CD2AP: variants seen among roughly 807,000 people sequenced by gnomAD.
CD2AP encodes CD2-associated protein.
In CD2AP, 46 loss-of-function variants were observed where a neutral mutation model predicts 85.1. That is an observed-to-expected ratio of 0.54 (90% CI 0.43 to 0.69). The LOEUF is 0.69. Among genes scored for constraint, CD2AP ranks in the 30% least tolerant of loss-of-function variants. CD2AP has a pLI of 0.00. For synonymous variants in CD2AP, 255 were observed against 252.9 expected (o/e 1.01, Z -0.08); for missense variants, 769 against 729.5 (o/e 1.05, Z -0.62).
intron 5 of CD2AP, among the ~76,000 whole-genome samples, chr6:47,567,764 A>G (rs1160847576): frequency 6.6e-6 from 1 of 152,214 alleles, no homozygotes; most frequent in Admixed American, 6.5e-5. Flanking sequence ...AGAGTATATA[A>G]TTAGATGTGA....
chr6:47,584,275 A>T (rs1768560164), intron 11 of CD2AP, among the ~76,000 whole-genome samples: 1 of 152,172 alleles, frequency 6.6e-6, no homozygotes, highest in Admixed American at 6.5e-5. Flanking sequence ...TGTTGTATCT[A>T]AAAAGTCATT....
At chr6:47,594,149 G>A (rs1562048304) in intron 11 of CD2AP, among the ~76,000 whole-genome samples, 1 of 152,018 alleles carries the variant, frequency 6.6e-6, no homozygotes, top group Non-Finnish European at 1.5e-5. Flanking sequence ...AATGAGGAAA[G>A]GGTTATCTTC....
rs754319192 is a variant in CD2AP at position 47,544,647 on chromosome 6, C to T, written c.361C>T (p.Pro121Ser). Residue 121 changes from proline to serine, a missense_variant, in exon 4 of 18, where the codon CCA becomes TCA. Coordinates refer to ENST00000359314, the MANE Select transcript of CD2AP (RefSeq NM_012120.3). ...GTGTAAAGTTCTTTTTGAGTACATT[C>T]CACAAAATGAGGATGAACTGGAGCT... Reference protein sequence around the residue: ...RQCKVLFEYIPQNEDELELKV... With the variant: ...RQCKVLFEYISQNEDELELKV... 3 of 1,612,482 alleles carry T rather than the reference C, an allele frequency of 1.9e-6. No individual in the cohort carries two copies. Among genetic ancestry groups the T allele is most frequent in the East Asian group, 2.2e-5 (1 of 44,762 alleles).
chr6:47,517,306 G>T (rs144517088), intron 2 of CD2AP, among the ~76,000 whole-genome samples: 1 of 150,240 alleles, frequency 6.7e-6, no homozygotes, highest in African/African-American at 2.5e-5. Flanking sequence ...TTTTGGAGGC[G>T]GTTTCTTACT....
intron 2 of CD2AP, among the ~76,000 whole-genome samples, chr6:47,517,578 C>G (rs962748084): frequency 6.6e-6 from 1 of 152,138 alleles, no homozygotes; most frequent in African/African-American, 2.4e-5. Context: ...GCCTAAGCCA[C>G]CGCGCCTGGC....
chr6:47,614,888 TAA>T (rs779398744), intron 17 of CD2AP, among the ~76,000 whole-genome samples: 3 of 152,216 alleles, frequency 2.0e-5, no homozygotes, highest in Non-Finnish European at 4.4e-5. Flanking sequence ...CATTTAAACT[TAA>T]GAGTTTATCT....
intron 4 of CD2AP, among the ~76,000 whole-genome samples, chr6:47,548,061 A>G (rs1352288384): frequency 6.6e-6 from 1 of 152,092 alleles, no homozygotes; most frequent in Non-Finnish European, 1.5e-5. Flanking sequence ...CTTTTAACTT[A>G]AAAGTCAACT....
At chr6:47,479,215 A>G (rs971734088) in intron 1 of CD2AP, among the ~76,000 whole-genome samples, 1 of 152,236 alleles carries the variant, frequency 6.6e-6, no homozygotes, top group Non-Finnish European at 1.5e-5. Flanking sequence ...TTTGTAGAGC[A>G]AATCAGGAGG....
chr6:47,500,122 C>G (rs915254171), intron 1 of CD2AP, among the ~76,000 whole-genome samples: 1 of 152,106 alleles, frequency 6.6e-6, no homozygotes, highest in African/African-American at 2.4e-5. Context: ...TCTGAGAAAC[C>G]AGCATTCATC....
intron 2 of CD2AP, among the ~76,000 whole-genome samples, chr6:47,532,073 C>CAA (rs36046942): frequency 1.8e-4 from 26 of 145,998 alleles, no homozygotes; most frequent in South Asian, 1.3e-3. Flanking sequence ...GACTCCTTCT[C>CAA]AAAAAAAAAA....
At chr6:47,564,147 AACAT>A (rs1313403700) in intron 5 of CD2AP, among the ~76,000 whole-genome samples, 3 of 152,154 alleles carry the variant, frequency 2.0e-5, no homozygotes, top group Non-Finnish European at 4.4e-5. Flanking sequence ...ACCATTAGAG[AACAT>A]ACATAAGTAC....
chr6:47,576,101 G>T (rs1481518358), intron 6 of CD2AP, among the ~76,000 whole-genome samples: 1 of 152,026 alleles, frequency 6.6e-6, no homozygotes, highest in Non-Finnish European at 1.5e-5. Flanking sequence ...TAGAGATAGG[G>T]TCTCACCATG....
chr6:47,544,271 G>C (rs546398518), intron 3 of CD2AP, among the ~76,000 whole-genome samples: 1 of 152,284 alleles, frequency 6.6e-6, no homozygotes, highest in South Asian at 2.1e-4. Context: ...TAGCCTAGAG[G>C]ACTTGTCTAT....
At chr6:47,561,797 T>C (rs763969170) in intron 5 of CD2AP, among the ~76,000 whole-genome samples, 5 of 152,234 alleles carry the variant, frequency 3.3e-5, no homozygotes, top group Non-Finnish European at 5.9e-5. Flanking sequence ...TATGTATTTA[T>C]TGAGACGGAG....
chr6:47,520,609 G>A (rs377580660), intron 2 of CD2AP, among the ~76,000 whole-genome samples: 259 of 152,256 alleles, frequency 1.7e-3, no homozygotes, highest in African/African-American at 6.0e-3. Context: ...CTGGTGGGTG[G>A]TGGTTGGGGG....
chr6:47,540,142 T>A (rs1382911346), intron 3 of CD2AP, among the ~76,000 whole-genome samples: 1 of 135,970 alleles, frequency 7.4e-6, no homozygotes, highest in Non-Finnish European at 1.5e-5. Flanking sequence ...GAGTTCTTAC[T>A]ACTGCCTGGG....
chr6:47,582,329 A>G (rs1321448249), intron 11 of CD2AP: 9 of 291,482 alleles, frequency 3.1e-5, no homozygotes, highest in Non-Finnish European at 5.9e-5. Flanking sequence ...TAAGCATTAA[A>G]TAACTATGCT....
intron 4 of CD2AP, among the ~76,000 whole-genome samples, chr6:47,546,615 T>G (rs185347144): frequency 5.3e-5 from 8 of 152,084 alleles, no homozygotes; most frequent in Non-Finnish European, 1.2e-4. Flanking sequence ...TTTGGGGGAA[T>G]AATCAGAAAA....
intron 5 of CD2AP, among the ~76,000 whole-genome samples, chr6:47,557,966 T>C (rs1767741752): frequency 6.6e-6 from 1 of 152,216 alleles, no homozygotes; most frequent in Admixed American, 6.5e-5. Flanking sequence ...TAGCATGGAA[T>C]GTTTTTCCAT....
Sources: gnomAD v4.1 joint callset for allele counts (sites outside exome capture counted in the v4.1 genomes callset) on GRCh38, gnomAD v4.1.1 for gene constraint, MANE v1.5 for transcripts, NCBI Gene and HGNC (gene_info 2026-07-23, HGNC 2026-07-21) for gene names.